Variants in CA10 observed in about 807,000 individuals in gnomAD.
CA10 encodes the protein carbonic anhydrase-related protein 10.
CA10 carries 14 observed loss-of-function variants against 44.2 expected under a neutral mutation model. The ratio of observed to expected loss-of-function variants is 0.32; its 90% CI spans 0.21 to 0.50. The LOEUF (loss-of-function observed/expected upper bound fraction) is 0.50, where lower values mean the gene tolerates loss of function less well. CA10 is among the 20% of genes least tolerant of loss of function. CA10 has a pLI of 0.99. For synonymous variants in CA10, 159 were observed against 141.6 expected, an observed-to-expected ratio of 1.12 and a Z score of -0.87; for missense variants, 350 against 409.7, an observed-to-expected ratio of 0.85 and a Z score of 1.26.
intron 2 of CA10, among the ~76,000 whole-genome samples, chr17:51,936,442 ACT>A (rs1217055934): frequency 3.4e-5 from 5 of 145,766 alleles, no homozygotes. Context: ...CAGCTGGTAG[ACT>A]CTGGAAGGAC....
At chr17:51,815,707 G>C (rs1476762150) in intron 3 of CA10, among the ~76,000 whole-genome samples, 1 of 152,132 alleles carries the variant, frequency 6.6e-6, no homozygotes, top group Non-Finnish European at 1.5e-5. Context: ...ATCCCCAAGA[G>C]GTCAGTGGAT....
chr17:52,116,379 C>T (rs1988896764), intron 1 of CA10, among the ~76,000 whole-genome samples: 1 of 152,092 alleles, frequency 6.6e-6, no homozygotes, highest in Non-Finnish European at 1.5e-5. Flanking sequence ...CATGAAACCC[C>T]ATGAGACACA....
intron 3 of CA10, among the ~76,000 whole-genome samples, chr17:51,857,266 A>T (rs1227017308): frequency 6.6e-6 from 1 of 152,184 alleles, no homozygotes; most frequent in Non-Finnish European, 1.5e-5. Context: ...CCCGTTTTAC[A>T]GATGAGGACA....
intron 3 of CA10, chr17:51,762,843 A>G (rs1294218788): frequency 1.3e-5 from 2 of 152,206 alleles, no homozygotes; most frequent in Non-Finnish European, 2.9e-5. Flanking sequence ...CATGTTTTAA[A>G]AAGACACTTT....
intron 4 of CA10, among the ~76,000 whole-genome samples, chr17:51,719,713 C>T (rs761735944): frequency 4.6e-5 from 7 of 151,830 alleles, no homozygotes; most frequent in Non-Finnish European, 1.0e-4. Context: ...ATAGTGAGAT[C>T]GTATCTTTAC....
chr17:52,084,370 A>G (rs1218508589), intron 1 of CA10, among the ~76,000 whole-genome samples: 1 of 152,212 alleles, frequency 6.6e-6, no homozygotes, highest in Non-Finnish European at 1.5e-5. Context: ...TCCACACAGC[A>G]TTTGCTGAGC....
At chr17:51,855,224 T>C (rs2143830642) in intron 3 of CA10, among the ~76,000 whole-genome samples, 1 of 152,298 alleles carries the variant, frequency 6.6e-6, no homozygotes, top group Non-Finnish European at 1.5e-5. Context: ...GTAAAATAGT[T>C]ACTGTCTCCC....
chr17:52,007,692 C>T (rs952096826), intron 2 of CA10, among the ~76,000 whole-genome samples: 7 of 151,352 alleles, frequency 4.6e-5, no homozygotes, highest in African/African-American at 1.7e-4. Flanking sequence ...ATAGCTTATA[C>T]TTTTTTTTCC....
chr17:52,151,695 GTGA>G (rs903016921), intron 1 of CA10, among the ~76,000 whole-genome samples: 1 of 152,106 alleles, frequency 6.6e-6, no homozygotes, highest in Non-Finnish European at 1.5e-5. Context: ...ATTGATGTCA[GTGA>G]TGATGATGAT....
At chr17:51,720,594 G>A (rs1266469427) in intron 4 of CA10, among the ~76,000 whole-genome samples, 1 of 152,182 alleles carries the variant, frequency 6.6e-6, no homozygotes, top group Non-Finnish European at 1.5e-5. Flanking sequence ...TAAAAAGGAA[G>A]GAAATTATGT....
chr17:52,087,691 A>G lies in CA10; in HGVS notation c.62-15298T>C, dbSNP rs528988032. On this transcript the variant is annotated intron_variant, in intron 1 of 8. Transcript: ENST00000451037. ...ATAATAAGTTGTAATTATCTTATAC[A>G]GAAATTATTTAATTACATTTAATTT... Among the ~76,000 whole-genome samples the G allele has an allele frequency of 5.8e-4, 89 of 152,376 alleles. No homozygotes were observed. In the Middle Eastern group the frequency reaches 0.01, roughly 17 times the overall value.
chr17:51,972,354 A>G lies in CA10; in HGVS notation c.137-41222T>C, dbSNP rs940819782. 6.6e-5 allele frequency among the ~76,000 whole-genome samples: 10 copies of G among 152,224 alleles called. No individual in the cohort carries two copies. In the South Asian group the frequency reaches 2.1e-3, roughly 32 times the overall value. On this transcript the variant is annotated intron_variant, in intron 2 of 8. Coordinates refer to ENST00000451037, the MANE Select transcript of CA10 (RefSeq NM_020178.5). ...ATCTTTATTTTTAGATTCCATATCT[A>G]AAGTTAATACTCAAGATTATCGATG... is the stretch of plus-strand genomic sequence containing the variant.
rs190993043 is a variant in CA10, at chr17:51,855,717, T to C, written c.279+75273A>G. Among the ~76,000 whole-genome samples the C allele has an allele frequency of 1.3e-3, 198 of 152,322 alleles. No individual in the cohort carries two copies. The Middle Eastern group carries it at 0.037, about 29-fold the overall frequency. Reference sequence around the variant, plus strand: ...TCAACATTCATGGAGCTGCAGAGTTTAATAACGTTGAAATCTGGTGCTACC... The same window carrying C: ...TCAACATTCATGGAGCTGCAGAGTTCAATAACGTTGAAATCTGGTGCTACC... On this transcript the variant is annotated intron_variant, in intron 3 of 8. Transcript: ENST00000451037.
intron 1 of CA10, among the ~76,000 whole-genome samples, chr17:52,149,538 C>A (rs1249634331): frequency 2.6e-5 from 4 of 152,178 alleles, no homozygotes; most frequent in African/African-American, 9.7e-5. Context: ...CTTCCCACCC[C>A]AACCCCTGAC....
chr17:51,831,951 C>T (rs918302111), intron 3 of CA10, among the ~76,000 whole-genome samples: 1 of 152,168 alleles, frequency 6.6e-6, no homozygotes, highest in East Asian at 1.9e-4. Flanking sequence ...CAAAATCCCA[C>T]TCCAAGCTTG....
At chr17:51,634,807 CTATT>C (rs1567782306) in intron 7 of CA10, among the ~76,000 whole-genome samples, 2 of 152,228 alleles carry the variant, frequency 1.3e-5, no homozygotes, top group Non-Finnish European at 2.9e-5. Context: ...ACAATGGAAT[CTATT>C]TAACTTTTTA....
At chr17:52,140,021 C>A (rs1989443007) in intron 1 of CA10, among the ~76,000 whole-genome samples, 1 of 152,152 alleles carries the variant, frequency 6.6e-6, no homozygotes, top group African/African-American at 2.4e-5. Context: ...GAAATCCTTT[C>A]TAAATAATTG....
chr17:52,114,851 G>A (rs1988858058), intron 1 of CA10, among the ~76,000 whole-genome samples: 1 of 152,134 alleles, frequency 6.6e-6, no homozygotes, highest in Admixed American at 6.5e-5. Context: ...TCTGGAAAGA[G>A]CTATTAGTGT....
intron 2 of CA10, among the ~76,000 whole-genome samples, chr17:52,064,963 T>C (rs1244693029): frequency 2.6e-5 from 4 of 152,210 alleles, no homozygotes; most frequent in South Asian, 4.1e-4. Flanking sequence ...AACTATCTAT[T>C]GTCCTTTATT....
Sources: gnomAD v4.1 joint callset for allele counts (sites outside exome capture counted in the v4.1 genomes callset) on GRCh38, gnomAD v4.1.1 for gene constraint, MANE v1.5 for transcripts, NCBI Gene and HGNC (gene_info 2026-07-23, HGNC 2026-07-21) for gene names.